Variants in NFATC4 observed in about 807,000 individuals in gnomAD.
NFATC4 encodes nuclear factor of activated T cells 4.
In NFATC4, 25 loss-of-function variants were observed where a neutral mutation model predicts 73.4. That is an observed-to-expected ratio of 0.34 (90% CI 0.25 to 0.48). The LOEUF is 0.48. Among genes scored for constraint, NFATC4 ranks in the 20% least tolerant of loss-of-function variants. The pLI is 0.99. For missense variants in NFATC4, 1,130 were observed against 1,203.7 expected, an observed-to-expected ratio of 0.94 and a Z score of 0.91; for synonymous variants, 523 against 510.3, an observed-to-expected ratio of 1.02 and a Z score of -0.34.
chr14:24,372,679 G>C, intron 3 of NFATC4, 76 bp downstream of exon 3: 2 of 1,568,226 alleles, frequency 1.3e-6, no homozygotes, highest in Non-Finnish European at 1.7e-6. Flanking sequence ...ACATGGCACT[G>C]CCCTTTCCCA....
chr14:24,369,687 G>T lies in NFATC4; in HGVS notation c.289G>T (p.Gly97Ter). The T allele has an allele frequency of 1.2e-6, 2 of 1,611,974 alleles. No individual in the cohort carries two copies. The highest frequency in any genetic ancestry group is 1.7e-6 in the Non-Finnish European group (2 of 1,178,880). Residue 97 changes from glycine (G) to a stop codon, truncating the protein, a stop_gained, in exon 2 of 10, where the codon GGA (glycine) becomes TGA (stop). Transcript: ENST00000250373. LOFTEE classifies it high-confidence loss of function. Reference protein sequence around the residue: ...SQPARSVRLGGPGGGAGGAGG... With the variant: ...SQPARSVRLG Reference sequence around the variant, plus strand: ...GCCCGCCAGGTCGGTGAGGCTGGGAGGACCAGGAGGGGGTGCTGGGGGTGC... The same window carrying T: ...GCCCGCCAGGTCGGTGAGGCTGGGATGACCAGGAGGGGGTGCTGGGGGTGC...
chr14:24,370,248 C>G lies in NFATC4; in HGVS notation c.850C>G (p.Leu284Val). ...SGTPSSASPA[L>V]SRRGSLGEEG... Reference sequence around the variant, plus strand: ...AACCCCATCTTCAGCCTCCCCAGCTCTGTCCCGCCGTGGCAGCCTGGGGGA... The same window carrying G: ...AACCCCATCTTCAGCCTCCCCAGCTGTGTCCCGCCGTGGCAGCCTGGGGGA... Residue 284 changes from leucine to valine, a missense_variant, in exon 2 of 10, where the codon CTG (leucine) becomes GTG (valine). Coordinates refer to ENST00000250373, the MANE Select transcript of NFATC4 (RefSeq NM_004554.5). 6.2e-7 allele frequency: 1 copy of G among 1,612,614 alleles called. No homozygotes were observed. The highest frequency in any genetic ancestry group is 8.5e-7 in the Non-Finnish European group (1 of 1,179,898).
At chr14:24,368,046 G>C (rs1307147453), upstream of NFATC4, 2 of 966,954 alleles carry the variant, frequency 2.1e-6, no homozygotes, top group Non-Finnish European at 2.5e-6. Context: ...GAGGGAGGGT[G>C]GGGGAGGACG....
At position 24,376,206 on chromosome 14, in the gene NFATC4, C is replaced by G. The variant is rs1485579687; in HGVS notation, c.2057-88C>G. On this transcript the variant is annotated intron_variant, in intron 8 of 9. Coordinates refer to ENST00000250373, the MANE Select transcript of NFATC4 (RefSeq NM_004554.5). This position sits in a 1 kb window ranked among gnomAD's most constrained non-coding sequence, Gnocchi z 5.0. ...ATGAGGGGCCAAGGGGTGAATGGAACCTGGGAGGAGCAGGCAGCTGGAAGG... is the reference window on the plus strand; with the variant it reads ...ATGAGGGGCCAAGGGGTGAATGGAAGCTGGGAGGAGCAGGCAGCTGGAAGG... 1 of 1,578,866 alleles carries G rather than the reference C, an allele frequency of 6.3e-7. No homozygotes were observed. Among genetic ancestry groups the G allele is most frequent in the Non-Finnish European group, 8.6e-7 (1 of 1,160,776 alleles).
upstream of NFATC4, chr14:24,367,238 G>A (rs759904171): frequency 6.2e-7 from 1 of 1,612,762 alleles, no homozygotes; most frequent in African/African-American, 1.3e-5. Flanking sequence ...AGCCTGTTGG[G>A]GGCGGGGGGG....
At chr14:24,371,606 A>G (rs1374171827) in intron 2 of NFATC4, 1 of 152,466 alleles carries the variant, frequency 6.6e-6, no homozygotes, top group Non-Finnish European at 1.5e-5. Context: ...TCAAGCCCCA[A>G]CTAGTGGAAA....
At position 24,370,604 on chromosome 14, in the gene NFATC4, G is replaced by T. The variant is rs1383547627; in HGVS notation, c.1196+10G>T. 1 of 1,598,062 alleles carries T rather than the reference G, an allele frequency of 6.3e-7. No homozygotes were observed. The highest frequency in any genetic ancestry group is 2.2e-5 in the East Asian group (1 of 44,512). On this transcript the variant is annotated intron_variant, in intron 2 of 9. Coordinates refer to ENST00000250373, the MANE Select transcript of NFATC4 (RefSeq NM_004554.5). ...ACAGCCCTATCTTCAGGTGAGGGTTGCGCCTGGCACTACCGCTCTCTCTAG... is the reference window on the plus strand; with the variant it reads ...ACAGCCCTATCTTCAGGTGAGGGTTTCGCCTGGCACTACCGCTCTCTCTAG...
chr14:24,367,376 G>A, upstream of NFATC4: 1 of 1,535,914 alleles, frequency 6.5e-7, no homozygotes, highest in Non-Finnish European at 8.7e-7. Context: ...CCAGACTACA[G>A]TTCTAGGGAG....
chr14:24,376,553 A>G lies in NFATC4; in HGVS notation c.2316A>G (p.Thr772=), dbSNP rs2042626781. The G allele has an allele frequency of 2.5e-6, 4 of 1,613,996 alleles. No homozygotes were observed. The highest frequency in any genetic ancestry group is 3.3e-4 in the Middle Eastern group (2 of 6,058). The part of the protein sequence containing the change: ...LRMFPETRGT[T]GCAQPPAVSF... ...TGTTCCCTGAGACTAGGGGTACCAC[A>G]GGTTGTGCCCAACCACCTGCAGTTT... The change falls in exon 9 of 10, where the codon ACA becomes ACG. Residue 772 remains threonine (T), a synonymous_variant. Transcript: ENST00000250373. This position sits in a 1 kb window ranked among gnomAD's most constrained non-coding sequence, Gnocchi z 5.0.
rs1594709860 is a variant in NFATC4 at position 24,372,442 on chromosome 14, A to G, written c.1198A>G (p.Thr400Ala). 1.9e-6 allele frequency: 3 copies of G among 1,612,316 alleles called. No homozygotes were observed. The highest frequency in any genetic ancestry group is 2.5e-6 in the Non-Finnish European group (3 of 1,179,800). The change falls in exon 3 of 10, where the codon ACC becomes GCC. Residue 400 changes from threonine (T) to alanine (A), a missense_variant and splice_region_variant. Thr to Ala is a moderately conservative substitution (Grantham distance 58). Around this residue, in one of 3 missense-constraint regions of NFATC4, gnomAD observed 585 missense variants for 574.3 expected, o/e 1.02. Coordinates refer to ENST00000250373, the MANE Select transcript of NFATC4 (RefSeq NM_004554.5). ...RIGGHSPIFR[T>A]SALPPLDWPL... ...TCAATGCTCTTCTCTCCCACCCAGG[A>G]CCTCTGCCCTACCCCCACTGGACTG... is the stretch of plus-strand genomic sequence containing the variant.
In NFATC4 at chr14:24,370,482, G is replaced by C. The variant is rs753201262; in HGVS notation, c.1084G>C (p.Val362Leu). 8.7e-6 allele frequency: 14 copies of C among 1,614,182 alleles called. No homozygotes were observed. The highest frequency in any genetic ancestry group is 1.1e-5 in the Non-Finnish European group (13 of 1,180,044). ...GCTGCCCTTGGGAGCAGAGGAGTCT[G>C]TGGCTCCTCCAGGAGGTTCCCGGAA... is the stretch of plus-strand genomic sequence containing the variant. ...GKLPLGAEES[V>L]APPGGSRKEV... is the part of the protein sequence containing the mutation. The change falls in exon 2 of 10, where the codon GTG becomes CTG. Residue 362 changes from valine (V) to leucine (L), a missense_variant. Physicochemically the swap from Val to Leu is conservative, Grantham distance 32 (BLOSUM62 1). Transcript: ENST00000250373.
chr14:24,377,563 T>G lies in NFATC4; in HGVS notation c.2642-75T>G. On this transcript the variant is annotated intron_variant, in intron 9 of 9. Coordinates refer to ENST00000250373, the MANE Select transcript of NFATC4 (RefSeq NM_004554.5). The surrounding 1 kb of genome is among the most constrained non-coding windows in gnomAD (Gnocchi z 4.2). Reference sequence around the variant, plus strand: ...CTCCTAGATTAAGACCTGCCTGGAATGGATTGGGGGTGGGTCTTTGGAAAA... The same window carrying G: ...CTCCTAGATTAAGACCTGCCTGGAAGGGATTGGGGGTGGGTCTTTGGAAAA... The G allele has an allele frequency of 6.2e-7, 1 of 1,608,840 alleles. No individual in the cohort carries two copies. The highest frequency in any genetic ancestry group is 8.5e-7 in the Non-Finnish European group (1 of 1,176,832).
chr14:24,375,898 G>A (rs1022351596), intron 7 of NFATC4, 77 bp from the exon 8 acceptor site: 40 of 1,595,384 alleles, frequency 2.5e-5, no homozygotes, highest in Non-Finnish European at 3.3e-5. Context: ...GCTAGGAGGT[G>A]GAGTCTGGGC....
chr14:24,368,563 T>A, intron 1 of NFATC4, 123 bp downstream of exon 1: 1 of 671,364 alleles, frequency 1.5e-6, no homozygotes, highest in African/African-American at 2.2e-5. Context: ...TCGAAGGGAG[T>A]CGGGGGGACT....
chr14:24,369,810 T>C lies in NFATC4; in HGVS notation c.412T>C (p.Trp138Arg). 1.3e-6 allele frequency: 2 copies of C among 1,598,396 alleles called. No homozygotes were observed. The highest frequency in any genetic ancestry group is 1.7e-6 in the Non-Finnish European group (2 of 1,172,482). Residue 138 changes from tryptophan to arginine, a missense_variant, in exon 2 of 10, where the codon TGG (tryptophan) becomes CGG (arginine). Trp to Arg is a moderately radical substitution (Grantham distance 101). Around this residue, in one of 3 missense-constraint regions of NFATC4, gnomAD observed 585 missense variants for 574.3 expected, o/e 1.02. Transcript: ENST00000250373. ...AGCGCTGGAGGACAACCCTGATGCC[T>C]GGGGGGACGGCTCTCCTAGAGATTA... ...PAALEDNPDA[W>R]GDGSPRDYPP...
chr14:24,367,637 G>A (rs1272792313), upstream of NFATC4: 2 of 1,535,962 alleles, frequency 1.3e-6, no homozygotes, highest in East Asian at 4.9e-5. Context: ...CAGAAGGCCC[G>A]GGCAGAGTAG....
In NFATC4 at chr14:24,377,209, A is replaced by G. The variant is rs2042648113; in HGVS notation, c.2641+331A>G. 1 of 1,264,368 alleles carries G rather than the reference A, an allele frequency of 7.9e-7. No individual in the cohort carries two copies. The allele number at this position is 1,264,368 out of a possible 1,614,324, so 78.3% of individuals were successfully genotyped here. On this transcript the variant is annotated intron_variant, in intron 9 of 9. Transcript: ENST00000250373. The surrounding 1 kb of genome is among the most constrained non-coding windows in gnomAD (Gnocchi z 4.2). ...TGCAAGTTTAGGCGTTGAGTTCCAG[A>G]GAGGGATGGTAGCTTGCTGAGGTCC...
chr14:24,377,336 C>T lies in NFATC4; in HGVS notation c.2642-302C>T. The T allele has an allele frequency of 7.8e-7, 1 of 1,288,548 alleles. No individual in the cohort carries two copies. The highest frequency in any genetic ancestry group is 3.0e-5 in the East Asian group (1 of 32,798). The allele number at this position is 1,288,548 out of a possible 1,614,324, so 79.8% of individuals were successfully genotyped here. On this transcript the variant is annotated intron_variant, in intron 9 of 9. Transcript: ENST00000250373. The surrounding 1 kb of genome is among the most constrained non-coding windows in gnomAD (Gnocchi z 4.2). ...TTCCTGTTTTGCCTCTCCTTCTTCCCATTGGCTACACCCATCTCTGGCCCT... is the reference window on the plus strand; with the variant it reads ...TTCCTGTTTTGCCTCTCCTTCTTCCTATTGGCTACACCCATCTCTGGCCCT...
intron 1 of NFATC4, 89 bp downstream of exon 1, chr14:24,368,529 G>C (rs1294794205): frequency 8.2e-7 from 1 of 1,219,982 alleles, no homozygotes; most frequent in East Asian, 3.2e-5. Flanking sequence ...GCGAGCCTAG[G>C]GTGGGGGGTG....
Sources: allele counts gnomAD v4.1 joint callset, GRCh38; gene constraint gnomAD v4.1.1; regional missense constraint gnomAD v4.1.1; non-coding constraint Gnocchi (gnomAD v3.1); transcripts MANE v1.5; gene names NCBI Gene and HGNC (gene_info 2026-07-23, HGNC 2026-07-21).